Variants in ATP10A observed in about 807,000 individuals in gnomAD.
ATP10A encodes phospholipid-transporting ATPase VA.
A neutral mutation model predicts 147.8 loss-of-function variants in ATP10A; 111 were observed. The observed-to-expected ratio is 0.75, with a 90% CI of 0.64 to 0.88. The LOEUF (loss-of-function observed/expected upper bound fraction) is 0.88, where lower values mean the gene tolerates loss of function less well. ATP10A is among the 40% of genes least tolerant of loss of function. The probability of loss-of-function intolerance (pLI) is 0.00; values close to 1 mark genes in which losing one functional copy is unlikely to be tolerated. For synonymous variants in ATP10A, 875 were observed against 841.6 expected (o/e 1.04, Z -0.69); for missense variants, 1,927 against 1,959.0 (o/e 0.98, Z 0.31).
intron 1 of ATP10A, among the ~76,000 whole-genome samples, chr15:25,812,209 T>G (rs1014907591): frequency 6.6e-6 from 1 of 152,206 alleles, no homozygotes; most frequent in African/African-American, 2.4e-5. Flanking sequence ...GTTTCTGACT[T>G]TTCTCTGGTG....
chr15:25,730,420 T>C (rs1451287122), intron 3 of ATP10A, among the ~76,000 whole-genome samples: 3 of 152,060 alleles, frequency 2.0e-5, no homozygotes, highest in Admixed American at 1.3e-4. Context: ...CAGTGTCCCC[T>C]GACCAGGGCT....
rs77684562 is a variant in ATP10A, at chr15:25,773,126, T to C, written c.654+7893A>G. ...TGCTTTCCTTAAAGGTCGATTCCTT[T>C]ATAAGGTCTGGTTTATGTGACTATA... On this transcript the variant is annotated intron_variant, in intron 2 of 20. Transcript: ENST00000555815. Among the ~76,000 whole-genome samples the C allele has an allele frequency of 4.9e-3, 743 of 152,256 alleles. 5 individuals are homozygous for C. The highest frequency in any genetic ancestry group is 7.6e-3 in the Non-Finnish European group (519 of 68,020).
intron 2 of ATP10A, among the ~76,000 whole-genome samples, chr15:25,747,401 T>C (rs760992259): frequency 6.6e-6 from 1 of 151,396 alleles, no homozygotes; most frequent in Non-Finnish European, 1.5e-5. Flanking sequence ...TATTAAGGAA[T>C]ACTAAAAGGA....
chr15:25,734,842 C>T (rs937212963), intron 3 of ATP10A, among the ~76,000 whole-genome samples: 1 of 152,154 alleles, frequency 6.6e-6, no homozygotes, highest in Non-Finnish European at 1.5e-5. Context: ...TCCGTTGGGT[C>T]ATCCCCAGCC....
chr15:25,759,308 C>T (rs1021331412), intron 2 of ATP10A, among the ~76,000 whole-genome samples: 2 of 152,018 alleles, frequency 1.3e-5, no homozygotes, highest in Admixed American at 6.6e-5. Flanking sequence ...AGGCATAGGA[C>T]AAAATGGAAG....
At position 25,844,412 on chromosome 15, in the gene ATP10A, A is replaced by AT. The variant is rs1447018168; in HGVS notation, c.449+18235dup. ...CCTAAACTGAGGAAGTTTAAGAGAT[A>AT]TTTTTCTATTTTATCACCATGTTCC... On this transcript the variant is annotated intron_variant, in intron 1 of 20. Coordinates refer to ENST00000555815, the MANE Select transcript of ATP10A (RefSeq NM_024490.4). 3.9e-5 allele frequency among the ~76,000 whole-genome samples: 6 copies of AT among 152,252 alleles called. No homozygotes were observed. In the South Asian group the frequency reaches 1.2e-3, roughly 32 times the overall value.
At chr15:25,798,256 A>C (rs1183642478) in intron 1 of ATP10A, among the ~76,000 whole-genome samples, 1 of 152,050 alleles carries the variant, frequency 6.6e-6, no homozygotes, top group African/African-American at 2.4e-5. Context: ...GCGAATCAAC[A>C]CTCTGGAGGC....
At chr15:25,768,601 T>C (rs1889157723) in intron 2 of ATP10A, among the ~76,000 whole-genome samples, 1 of 150,216 alleles carries the variant, frequency 6.7e-6, no homozygotes, top group South Asian at 2.1e-4. Flanking sequence ...TGGGGTGCAA[T>C]GGCACAATCT....
rs753228127 is a variant in ATP10A at position 25,716,839 on chromosome 15, T to A, written c.1667A>T (p.His556Leu). The A allele has an allele frequency of 6.2e-7, 1 of 1,611,060 alleles. No homozygotes were observed. The highest frequency in any genetic ancestry group is 8.5e-7 in the Non-Finnish European group (1 of 1,178,740). ...KSLAVARHQEHLLAHLSPELS... is the reference protein window; with the variant it reads ...KSLAVARHQELLLAHLSPELS... The stretch of plus-strand genomic sequence containing the variant: ...CTCAGGCGAGAGGTGGGCCAGCAGG[T>A]GCTCCTGATGCCTCGCCACGGCTAG... The change falls in exon 9 of 21, where the codon CAC becomes CTC. Residue 556 changes from histidine to leucine, a missense_variant. Coordinates refer to ENST00000555815, the MANE Select transcript of ATP10A (RefSeq NM_024490.4).
At chr15:25,822,121 A>G (rs1256867017) in intron 1 of ATP10A, among the ~76,000 whole-genome samples, 1 of 152,176 alleles carries the variant, frequency 6.6e-6, no homozygotes, top group African/African-American at 2.4e-5. Flanking sequence ...TGCCACGTAA[A>G]TAGTTATTAT....
rs1270125947 is a variant in ATP10A at position 25,862,911 on chromosome 15, G to A, written c.186C>T (p.Asn62=). ...RRGCAQHLAD[N]RLKTTKYTLL... ...GCGTGTACTTGGTAGTCTTGAGCCGGTTGTCGGCCAGGTGCTGGGCACACC... is the reference window on the plus strand; with the variant it reads ...GCGTGTACTTGGTAGTCTTGAGCCGATTGTCGGCCAGGTGCTGGGCACACC... Residue 62 remains asparagine, a synonymous_variant, in exon 1 of 21, where the codon AAC becomes AAT. Transcript: ENST00000555815. The A allele has an allele frequency of 6.2e-7, 1 of 1,608,138 alleles. No individual in the cohort carries two copies. The highest frequency in any genetic ancestry group is 8.5e-7 in the Non-Finnish European group (1 of 1,178,160).
In ATP10A at chr15:25,714,109, A is replaced by G. The variant is rs758003643; in HGVS notation, c.1909T>C (p.Leu637=). ...SLAANKSSHK[L]GSSFPSTPSS... is the part of the protein sequence containing the mutation. ...GGGGTGGACGGGAAGCTGGAGCCCAACTTGTGGCTGGACTTGTTGGCGGCC... is the reference window on the plus strand; with the variant it reads ...GGGGTGGACGGGAAGCTGGAGCCCAGCTTGTGGCTGGACTTGTTGGCGGCC... Residue 637 remains leucine (L), a synonymous_variant, in exon 10 of 21, where the codon TTG becomes CTG. Transcript: ENST00000555815. 1.1e-5 allele frequency: 18 copies of G among 1,613,282 alleles called. No individual in the cohort carries two copies. Among genetic ancestry groups the G allele is most frequent in the Non-Finnish European group, 1.3e-5 (15 of 1,180,022 alleles).
chr15:25,748,741 T>C (rs916612349), intron 2 of ATP10A, among the ~76,000 whole-genome samples: 1 of 151,876 alleles, frequency 6.6e-6, no homozygotes, highest in Non-Finnish European at 1.5e-5. Context: ...TCTAAAATAA[T>C]CTTAGAAACT....
At chr15:25,675,983 G>A (rs28437614), downstream of ATP10A, among the ~76,000 whole-genome samples, 28,360 of 151,922 alleles carry the variant, frequency 0.19, 3,638 homozygotes, top group African/African-American at 0.37. Context: ...GGGAGGGAGA[G>A]GAGGAGGGGA....
At chr15:25,790,110 G>C (rs1596891252) in intron 1 of ATP10A, among the ~76,000 whole-genome samples, 3 of 152,208 alleles carry the variant, frequency 2.0e-5, no homozygotes, top group African/African-American at 7.2e-5. Context: ...ATAACGCCCA[G>C]AATGTGTCTT....
chr15:25,720,990 C>T (rs1014646167), intron 7 of ATP10A, among the ~76,000 whole-genome samples: 5 of 152,186 alleles, frequency 3.3e-5, no homozygotes, highest in African/African-American at 1.2e-4. Context: ...AGGGTGCCCA[C>T]TCCCAGGGCG....
intron 2 of ATP10A, among the ~76,000 whole-genome samples, chr15:25,741,764 T>A (rs1431391850): frequency 6.6e-6 from 1 of 152,232 alleles, no homozygotes; most frequent in Admixed American, 6.5e-5. Flanking sequence ...ATTTTCAATT[T>A]GCTAAACTGA....
At chr15:25,711,497 T>C (rs1392836389) in intron 10 of ATP10A, among the ~76,000 whole-genome samples, 1 of 151,982 alleles carries the variant, frequency 6.6e-6, no homozygotes, top group Non-Finnish European at 1.5e-5. Flanking sequence ...CTGTAGTCGT[T>C]CTCTTGGGAA....
rs1342068127 is a variant in ATP10A at position 25,679,210 on chromosome 15, A to G, written c.*131T>C. The stretch of plus-strand genomic sequence containing the variant: ...TAAAAAATAAACTTTCTTTTTTGGT[A>G]CCTCTTGTTTCCTGTATTAGCCTGG... On this transcript the variant is annotated 3_prime_UTR_variant, in exon 21 of 21. Transcript: ENST00000555815. The G allele has an allele frequency of 4.2e-6, 3 of 706,136 alleles. No homozygotes were observed. The highest frequency in any genetic ancestry group is 1.5e-4 in the South Asian group (2 of 13,438). 43.7% of individuals were successfully genotyped at this position (706,136 alleles called of 1,614,324 possible).
Sources: gnomAD v4.1 joint callset for allele counts (sites outside exome capture counted in the v4.1 genomes callset) on GRCh38, gnomAD v4.1.1 for gene constraint, MANE v1.5 for transcripts, NCBI Gene and HGNC (gene_info 2026-07-23, HGNC 2026-07-21) for gene names.